Variants in LINGO2 observed in about 807,000 individuals in gnomAD.
LINGO2 encodes leucine rich repeat and Ig domain containing 2, also known as leucine-rich repeat and immunoglobulin-like domain-containing nogo receptor-interacting protein 2.
A neutral mutation model predicts 30.6 loss-of-function variants in LINGO2; 14 were observed. That is an observed-to-expected ratio of 0.46 (90% confidence interval 0.30 to 0.72). The LOEUF (loss-of-function observed/expected upper bound fraction) is 0.72, where lower values mean the gene tolerates loss of function less well. LINGO2 is among the 30% of genes least tolerant of loss of function. LINGO2 has a pLI of 0.07. For missense variants in LINGO2, 729 were observed against 751.7 expected (o/e 0.97, Z 0.35); for synonymous variants, 317 against 288.5 (o/e 1.10, Z -1.00).
the LINGO2 span, among the ~76,000 whole-genome samples, chr9:28,743,992 T>C: frequency 0.016 from 2,497 of 151,584 alleles, 78 homozygotes; most frequent in African/African-American, 0.058. Context: ...TGTTCATTTT[T>C]CTTTTTTTCT....
At chr9:28,525,929 G>C (rs929502391) in intron 1 of LINGO2, among the ~76,000 whole-genome samples, 3 of 151,532 alleles carry the variant, frequency 2.0e-5, no homozygotes, top group Non-Finnish European at 4.4e-5. Context: ...GGTGGCGGGC[G>C]CTTGCAGTCC....
the LINGO2 span, among the ~76,000 whole-genome samples, chr9:28,736,178 A>G: frequency 6.6e-6 from 1 of 152,150 alleles, no homozygotes; most frequent in East Asian, 1.9e-4. Context: ...ATGGACACAC[A>G]GTGCAAATTT....
chr9:27,977,608 A>T (rs1820661990), intron 5 of LINGO2, among the ~76,000 whole-genome samples: 1 of 151,958 alleles, frequency 6.6e-6, no homozygotes, highest in African/African-American at 2.4e-5. Context: ...ATAAAAAAGG[A>T]GTGTGAGCAT....
upstream of LINGO2, among the ~76,000 whole-genome samples, chr9:28,673,754 A>T (rs1187026681): frequency 6.6e-6 from 1 of 152,088 alleles, no homozygotes; most frequent in African/African-American, 2.4e-5. Flanking sequence ...CAGTTTCATA[A>T]GAATTGGTAG....
chr9:29,075,072 T>C, the LINGO2 span, among the ~76,000 whole-genome samples: 3,339 of 152,294 alleles, frequency 0.022, 118 homozygotes, highest in African/African-American at 0.075. Context: ...TGGAATTGTA[T>C]TGTCTGTTTT....
chr9:28,281,509 A>G (rs1306240165), intron 4 of LINGO2, among the ~76,000 whole-genome samples: 1 of 152,044 alleles, frequency 6.6e-6, no homozygotes, highest in Admixed American at 6.6e-5. Context: ...AAGGGGATAT[A>G]ACGGGACTAT....
At chr9:28,497,381 C>T (rs1819676599) in intron 1 of LINGO2, among the ~76,000 whole-genome samples, 1 of 152,146 alleles carries the variant, frequency 6.6e-6, no homozygotes. Flanking sequence ...TTTCTCTAAA[C>T]TTCTCTTCTT....
chr9:28,552,793 C>T (rs1822373648), intron 1 of LINGO2, among the ~76,000 whole-genome samples: 1 of 150,180 alleles, frequency 6.7e-6, no homozygotes, highest in Admixed American at 6.7e-5. Context: ...CAATCTTAGA[C>T]ATTTTGCTTT....
intron 4 of LINGO2, among the ~76,000 whole-genome samples, chr9:28,233,030 TTA>T (rs1554690875): frequency 0.17 from 13,186 of 77,536 alleles, 1,088 homozygotes; most frequent in East Asian, 0.29. Context: ...ACAGTAAACA[TTA>T]TATATATATA....
chr9:29,058,268 T>C, the LINGO2 span, among the ~76,000 whole-genome samples: 1 of 151,850 alleles, frequency 6.6e-6, no homozygotes, highest in Non-Finnish European at 1.5e-5. Context: ...ATGTAAAAAA[T>C]TGAATGTTGA....
At chr9:28,902,760 T>G in the LINGO2 span, among the ~76,000 whole-genome samples, 2 of 151,884 alleles carry the variant, frequency 1.3e-5, no homozygotes, top group Non-Finnish European at 1.5e-5. Context: ...TACATTGAAA[T>G]TAAACCTCAT....
At chr9:28,641,715 A>C (rs1827591936) in intron 1 of LINGO2, among the ~76,000 whole-genome samples, 1 of 152,226 alleles carries the variant, frequency 6.6e-6, no homozygotes, top group African/African-American at 2.4e-5. Flanking sequence ...ATGCGGCAAG[A>C]AAGTTTACAC....
the LINGO2 span, among the ~76,000 whole-genome samples, chr9:29,098,100 T>C: frequency 6.6e-6 from 1 of 152,332 alleles, no homozygotes; most frequent in African/African-American, 2.4e-5. Flanking sequence ...CTAGGATCTA[T>C]ATAATTTATC....
intron 2 of LINGO2, among the ~76,000 whole-genome samples, chr9:28,469,984 A>G (rs1048724376): frequency 6.6e-6 from 1 of 152,184 alleles, no homozygotes; most frequent in Non-Finnish European, 1.5e-5. Flanking sequence ...CAGGATTTTA[A>G]AAAACAAATG....
At chr9:29,140,881 T>A in the LINGO2 span, among the ~76,000 whole-genome samples, 1 of 151,852 alleles carries the variant, frequency 6.6e-6, no homozygotes, top group Non-Finnish European at 1.5e-5. Context: ...ACATTCAAAG[T>A]ACTAGAAGAA....
At chr9:28,516,697 G>A (rs1183826225) in intron 1 of LINGO2, among the ~76,000 whole-genome samples, 3 of 152,206 alleles carry the variant, frequency 2.0e-5, no homozygotes, top group Non-Finnish European at 4.4e-5. Context: ...CATCGCTGTT[G>A]TTGCAGTGTT....
chr9:28,995,290 C>T, the LINGO2 span, among the ~76,000 whole-genome samples: 2 of 152,194 alleles, frequency 1.3e-5, no homozygotes, highest in African/African-American at 4.8e-5. Context: ...CACTGGCCAT[C>T]AGAGAAATGC....
At chr9:28,963,543 T>TAC in the LINGO2 span, among the ~76,000 whole-genome samples, 30,958 of 140,550 alleles carry the variant, frequency 0.22, 3,329 homozygotes, top group South Asian at 0.33. Context: ...GGTATATGAA[T>TAC]ACACACACAC....
the LINGO2 span, among the ~76,000 whole-genome samples, chr9:28,807,625 T>C: frequency 1.1e-4 from 17 of 152,216 alleles, no homozygotes; most frequent in African/African-American, 3.9e-4. Context: ...AGTAATCATT[T>C]TTAAATTGTA....
Sources: allele counts gnomAD v4.1 joint callset (sites outside exome capture counted in the v4.1 genomes callset), GRCh38; gene constraint gnomAD v4.1.1; transcripts MANE v1.5; gene names NCBI Gene and HGNC (gene_info 2026-07-23, HGNC 2026-07-21).